Variants in TMEM108 observed in about 807,000 individuals in gnomAD.
The protein encoded by TMEM108 is transmembrane protein 108.
In TMEM108, 12 loss-of-function variants were observed where a neutral mutation model predicts 35.1. That is an observed-to-expected ratio of 0.34 (90% CI 0.22 to 0.55). The LOEUF is 0.55. TMEM108 is among the 20% of genes least tolerant of loss of function. TMEM108 has a pLI of 0.89. For missense variants in TMEM108, 680 were observed against 753.3 expected (o/e 0.90, Z 1.14); for synonymous variants, 287 against 308.6 (o/e 0.93, Z 0.73).
chr3:133,127,113 T>G (rs1944427243), intron 2 of TMEM108, among the ~76,000 whole-genome samples: 2 of 152,174 alleles, frequency 1.3e-5, no homozygotes, highest in Non-Finnish European at 1.5e-5. Context: ...TGAAGTTTCA[T>G]GGACAATACT....
intron 2 of TMEM108, among the ~76,000 whole-genome samples, chr3:133,194,057 C>A (rs1945540989): frequency 6.6e-6 from 1 of 151,644 alleles, no homozygotes; most frequent in African/African-American, 2.4e-5. Flanking sequence ...CTGCCTCAGT[C>A]TCCTGAGTAA....
intron 1 of TMEM108, among the ~76,000 whole-genome samples, chr3:133,040,439 G>A (rs1943261689): frequency 6.6e-6 from 1 of 151,722 alleles, no homozygotes; most frequent in Non-Finnish European, 1.5e-5. Context: ...TCCTGACCTC[G>A]TGATCCACCT....
intron 3 of TMEM108, among the ~76,000 whole-genome samples, chr3:133,366,276 T>C (rs1202266891): frequency 6.6e-6 from 1 of 152,246 alleles, no homozygotes; most frequent in Non-Finnish European, 1.5e-5. Flanking sequence ...ATGCATCTTA[T>C]TGCCCATGGT....
intron 2 of TMEM108, among the ~76,000 whole-genome samples, chr3:133,110,135 A>T (rs978287803): frequency 2.0e-5 from 3 of 152,188 alleles, no homozygotes; most frequent in Non-Finnish European, 4.4e-5. Flanking sequence ...ATGCAATCAG[A>T]TGAACAAGCA....
chr3:133,252,642 A>G (rs1946487653), intron 3 of TMEM108, among the ~76,000 whole-genome samples: 1 of 152,166 alleles, frequency 6.6e-6, no homozygotes, highest in Non-Finnish European at 1.5e-5. Context: ...TTGAGAGTAT[A>G]ATGAAAAGTA....
intron 3 of TMEM108, among the ~76,000 whole-genome samples, chr3:133,364,572 C>T (rs1343889968): frequency 5.3e-5 from 8 of 152,030 alleles, no homozygotes; most frequent in African/African-American, 1.9e-4. Flanking sequence ...GCTTATATAC[C>T]ATCTATTAGA....
intron 3 of TMEM108, among the ~76,000 whole-genome samples, chr3:133,287,945 G>A (rs141918612): frequency 6.6e-6 from 1 of 152,248 alleles, no homozygotes; most frequent in Non-Finnish European, 1.5e-5. Flanking sequence ...TGTTCCCAAC[G>A]TCATCCCTTG....
intron 2 of TMEM108, among the ~76,000 whole-genome samples, chr3:133,224,569 G>C (rs1029056157): frequency 6.6e-6 from 1 of 152,114 alleles, no homozygotes; most frequent in Non-Finnish European, 1.5e-5. Flanking sequence ...TCATGGTAGT[G>C]AATAAGTGTC....
In TMEM108 at chr3:133,396,969, A is replaced by G. The variant is rs781009909; in HGVS notation, c.*983A>G. ...TCCTGCAATCTTTAAAAAAGAAAAA[A>G]AAGATTGCCCAAACAAATCATTTGG... On this transcript the variant is annotated 3_prime_UTR_variant, in exon 6 of 6. Transcript: ENST00000321871. 5 of 152,158 alleles carry G rather than the reference A, an allele frequency of 3.3e-5. No homozygotes were observed. The highest frequency in any genetic ancestry group is 5.9e-5 in the Non-Finnish European group (4 of 68,040). The allele number at this position is 152,158 out of a possible 1,614,324, so 9.4% of individuals were successfully genotyped here. A position where few individuals can be genotyped will look rare whatever the true frequency, so the allele number is the denominator to read the frequency against.
intron 2 of TMEM108, among the ~76,000 whole-genome samples, chr3:133,129,148 C>T (rs1944455428): frequency 6.6e-6 from 1 of 152,100 alleles, no homozygotes; most frequent in African/African-American, 2.4e-5. Context: ...AGTTCAAGAA[C>T]AGCCTGGCCA....
intron 2 of TMEM108, among the ~76,000 whole-genome samples, chr3:133,172,563 T>G (rs573193498): frequency 1.5e-3 from 231 of 152,218 alleles, no homozygotes; most frequent in African/African-American, 5.4e-3. Flanking sequence ...TGGGCAGGGG[T>G]TTTTTTGTGC....
At chr3:133,305,987 T>C (rs1346179430) in intron 3 of TMEM108, among the ~76,000 whole-genome samples, 2 of 152,194 alleles carry the variant, frequency 1.3e-5, no homozygotes, top group South Asian at 2.1e-4. Context: ...ATTCTAGATA[T>C]AGGTCTTTAG....
At chr3:133,233,229 C>A (rs568404498) in intron 3 of TMEM108, among the ~76,000 whole-genome samples, 1 of 152,164 alleles carries the variant, frequency 6.6e-6, no homozygotes, top group African/African-American at 2.4e-5. Context: ...GTGATGTTCC[C>A]CTTCCTGTGT....
intron 3 of TMEM108, among the ~76,000 whole-genome samples, chr3:133,340,299 G>C (rs377176961): frequency 6.6e-6 from 1 of 151,564 alleles, no homozygotes; most frequent in Non-Finnish European, 1.5e-5. Flanking sequence ...AGTGGCTATC[G>C]TGAGCAACTA....
chr3:133,212,309 TAGG>T (rs1268003856), intron 2 of TMEM108, among the ~76,000 whole-genome samples: 1 of 152,174 alleles, frequency 6.6e-6, no homozygotes, highest in East Asian at 1.9e-4. Context: ...CTTAAAAACT[TAGG>T]AGAAAATTTT....
intron 2 of TMEM108, among the ~76,000 whole-genome samples, chr3:133,089,728 T>A (rs183076476): frequency 1.2e-4 from 19 of 152,346 alleles, no homozygotes; most frequent in Admixed American, 1.2e-3. Flanking sequence ...ATCTCTTGTT[T>A]TCTGATTCTT....
chr3:133,340,012 A>G (rs975062543), intron 3 of TMEM108, among the ~76,000 whole-genome samples: 1 of 151,698 alleles, frequency 6.6e-6, no homozygotes, highest in African/African-American at 2.4e-5. Flanking sequence ...AAAATGTCAA[A>G]TAAACGACCT....
intron 2 of TMEM108, among the ~76,000 whole-genome samples, chr3:133,116,249 C>G (rs1453516418): frequency 1.3e-5 from 2 of 152,162 alleles, no homozygotes; most frequent in Non-Finnish European, 2.9e-5. Flanking sequence ...CATTCTTCCA[C>G]CCAAGAATCA....
chr3:133,227,103 G>T (rs1285837885), intron 2 of TMEM108, among the ~76,000 whole-genome samples: 1 of 151,848 alleles, frequency 6.6e-6, no homozygotes, highest in Non-Finnish European at 1.5e-5. Flanking sequence ...AATTCAAGAT[G>T]AGATTTGGGT....
Sources: allele counts gnomAD v4.1 joint callset (sites outside exome capture counted in the v4.1 genomes callset), GRCh38; gene constraint gnomAD v4.1.1; transcripts MANE v1.5; gene names NCBI Gene and HGNC (gene_info 2026-07-23, HGNC 2026-07-21).